SPINK5: variants seen among roughly 807,000 people sequenced by gnomAD.
SPINK5 encodes the protein serine peptidase inhibitor Kazal type 5, also known as serine protease inhibitor Kazal-type 5.
A neutral mutation model predicts 151.8 loss-of-function variants in SPINK5; 125 were observed. The observed-to-expected ratio is 0.82, with a 90% CI of 0.71 to 0.96. The LOEUF is 0.96. Ranked by LOEUF, SPINK5 falls within the 40% of genes least tolerant of loss-of-function variation. The probability of loss-of-function intolerance (pLI) is 0.00; values close to 1 mark genes in which losing one functional copy is unlikely to be tolerated. For missense variants in SPINK5, 1,194 were observed against 1,291.9 expected (o/e 0.92, Z 1.16); for synonymous variants, 374 against 395.3 (o/e 0.95, Z 0.64).
intron 4 of SPINK5, among the ~76,000 whole-genome samples, chr5:148,085,837 A>G (rs978491657): frequency 1.3e-5 from 2 of 151,908 alleles, no homozygotes; most frequent in Non-Finnish European, 2.9e-5. Flanking sequence ...AGTGCTATAC[A>G]TGAATTAACA....
At chr5:148,128,374 C>A (rs1202611343) in intron 30 of SPINK5, among the ~76,000 whole-genome samples, 2 of 152,032 alleles carry the variant, frequency 1.3e-5, no homozygotes, top group East Asian at 3.9e-4. Context: ...CCTCATTCTC[C>A]CTCATAAGCT....
intron 2 of SPINK5, 115 bp from the exon 3 acceptor site, chr5:148,070,208 T>C: frequency 8.0e-7 from 1 of 1,254,858 alleles, no homozygotes; most frequent in Non-Finnish European, 1.1e-6. Flanking sequence ...CAAAAAACCT[T>C]GGAATTGTGT....
intron 9 of SPINK5, among the ~76,000 whole-genome samples, chr5:148,095,025 A>C (rs1221017630): frequency 6.6e-6 from 1 of 151,888 alleles, no homozygotes; most frequent in Non-Finnish European, 1.5e-5. Context: ...CTAGCTCTAC[A>C]AGCCCTTTCC....
chr5:148,109,353 A>T (rs1365527880), intron 18 of SPINK5, among the ~76,000 whole-genome samples: 1 of 152,174 alleles, frequency 6.6e-6, no homozygotes, highest in East Asian at 1.9e-4. Flanking sequence ...CATGGCATAA[A>T]GTTTTATGAC....
chr5:148,129,147 T>G (rs1165780897), intron 30 of SPINK5, among the ~76,000 whole-genome samples: 1 of 151,998 alleles, frequency 6.6e-6, no homozygotes, highest in Non-Finnish European at 1.5e-5. Flanking sequence ...AAGCGTTTAG[T>G]GTTGTTGAAA....
intron 4 of SPINK5, among the ~76,000 whole-genome samples, chr5:148,074,252 C>G (rs888659851): frequency 1.4e-4 from 21 of 151,800 alleles, no homozygotes; most frequent in African/African-American, 4.8e-4. Context: ...TTTCTTTTCA[C>G]TAGTATGTCA....
intron 8 of SPINK5, among the ~76,000 whole-genome samples, chr5:148,091,465 G>A (rs1753307590): frequency 6.6e-6 from 1 of 151,548 alleles, no homozygotes. Context: ...TGTTTCTCCA[G>A]TCCTCTAGCC....
intron 6 of SPINK5, chr5:148,088,934 T>C: frequency 2.1e-6 from 1 of 476,574 alleles, no homozygotes; most frequent in Non-Finnish European, 4.0e-6. Flanking sequence ...ACCCCAGCAG[T>C]GTCACTTGCT....
In SPINK5 at chr5:148,120,369, G is replaced by T; in HGVS notation, c.2516G>T (p.Gly839Val). ...RSNTGERSNT[G>V]ERSNDKEDLC... ...AATACAGGAGAAAGGAGCAATACAG[G>T]AGAAAGGAGCAATGACAAAGAGGTA... The change falls in exon 26 of 33, where the codon GGA becomes GTA. Residue 839 changes from glycine to valine, a missense_variant. Physicochemically the swap from Gly to Val is moderately radical, Grantham distance 109 (BLOSUM62 -3). Coordinates refer to ENST00000256084, the MANE Select transcript of SPINK5 (RefSeq NM_006846.4). 1 of 1,599,964 alleles carries T rather than the reference G, an allele frequency of 6.3e-7. No homozygotes were observed. Among genetic ancestry groups the T allele is most frequent in the Non-Finnish European group, 8.5e-7 (1 of 1,171,626 alleles).
In SPINK5 at chr5:148,123,894, A is replaced by G. The variant is rs267600476; in HGVS notation, c.2600A>G (p.Asn867Ser). The change falls in exon 27 of 33, where the codon AAT becomes AGT. Residue 867 changes from asparagine to serine, a missense_variant. Asn to Ser is a conservative substitution (Grantham distance 46). Coordinates refer to ENST00000256084, the MANE Select transcript of SPINK5 (RefSeq NM_006846.4). ...RNGKLICTRE[N>S]NPVRGPYGKM... ...GGAAAGCTTATCTGCACCAGAGAAA[A>G]TAACCCTGTTCGAGGCCCATATGGC... 1.2e-6 allele frequency: 2 copies of G among 1,614,076 alleles called. No homozygotes were observed. The highest frequency in any genetic ancestry group is 8.5e-7 in the Non-Finnish European group (1 of 1,180,016).
At position 148,134,667 on chromosome 5, in the gene SPINK5, GAA is replaced by G. The variant is rs556113525; in HGVS notation, c.3186+784_3186+785del. On this transcript the variant is annotated intron_variant, in intron 32 of 32. Coordinates refer to ENST00000256084, the MANE Select transcript of SPINK5 (RefSeq NM_006846.4). The stretch of plus-strand genomic sequence containing the variant: ...TGCCTAAGACCAAAGTATGAATTTA[GAA>G]AAAGAGTCGAAAGTATGAACTTTTT... Among the ~76,000 whole-genome samples, 876 of 152,134 alleles carry G rather than the reference GAA, an allele frequency of 5.8e-3. 7 individuals carry two copies. The highest frequency in any genetic ancestry group is 0.01 in the Middle Eastern group (3 of 294).
intron 4 of SPINK5, among the ~76,000 whole-genome samples, chr5:148,080,499 A>T (rs558682813): frequency 2.6e-5 from 4 of 151,550 alleles, no homozygotes; most frequent in Admixed American, 2.0e-4. Flanking sequence ...CAAGATAGGC[A>T]TAAAGATCAG....
Position 148,078,227 on chromosome 5 carries a change from C to T in SPINK5, c.282+6007C>T, listed in dbSNP as rs571885647. Among the ~76,000 whole-genome samples, 35 of 150,978 alleles carry T rather than the reference C, an allele frequency of 2.3e-4. 2 individuals are homozygous for T. The highest frequency in any genetic ancestry group is 1.4e-3 in the Admixed American group (21 of 15,114). On this transcript the variant is annotated intron_variant, in intron 4 of 32. Transcript: ENST00000256084. ...TTTTGTAACTTTAAAAGTGTCAATA[C>T]GTTAAGCAATATAACAATGATAAAT... is the stretch of plus-strand genomic sequence containing the variant.
At chr5:148,120,177 AAGTAC>A (rs1754215872) in intron 25 of SPINK5, 41 bp downstream of exon 25, 7 of 1,613,978 alleles carry the variant, frequency 4.3e-6, no homozygotes, top group Non-Finnish European at 5.9e-6. Context: ...GTGAGTCTTA[AAGTAC>A]AATAATCATT....
intron 12 of SPINK5, among the ~76,000 whole-genome samples, chr5:148,099,625 C>T (rs1554104454): frequency 6.6e-6 from 1 of 152,020 alleles, no homozygotes; most frequent in Admixed American, 6.6e-5. Context: ...ATGCTTTCTA[C>T]ATATGAGTTT....
In SPINK5 at chr5:148,094,430, G is replaced by A. The variant is rs1216242816; in HGVS notation, c.743G>A (p.Gly248Asp). ...FCTRESDPVR[G>D]PDGRMHGNKC... is the part of the protein sequence containing the mutation. ...ACACGGGAGAGTGATCCAGTCCGTG[G>A]CCCTGACGGCAGGATGCATGGCAAC... The change falls in exon 9 of 33, where the codon GGC (glycine) becomes GAC (aspartate). Residue 248 changes from glycine (G) to aspartate (D), a missense_variant. Gly to Asp is a moderately conservative substitution (Grantham distance 94, BLOSUM62 -1). Transcript: ENST00000256084. 1 of 1,612,812 alleles carries A rather than the reference G, an allele frequency of 6.2e-7. No individual in the cohort carries two copies. The highest frequency in any genetic ancestry group is 1.1e-5 in the South Asian group (1 of 91,068).
chr5:148,072,604 A>G (rs1171303247), intron 4 of SPINK5, among the ~76,000 whole-genome samples: 2 of 151,992 alleles, frequency 1.3e-5, no homozygotes, highest in Admixed American at 1.3e-4. Context: ...AAATTTATGT[A>G]TCTCTGGATC....
intron 11 of SPINK5, among the ~76,000 whole-genome samples, chr5:148,098,777 G>C (rs531642807): frequency 6.6e-6 from 1 of 151,862 alleles, no homozygotes; most frequent in Non-Finnish European, 1.5e-5. Flanking sequence ...CCATGGTCTT[G>C]AGGGAGGAGA....
intron 4 of SPINK5, among the ~76,000 whole-genome samples, chr5:148,081,677 A>C (rs1304156308): frequency 6.6e-6 from 1 of 151,674 alleles, no homozygotes; most frequent in Admixed American, 6.6e-5. Context: ...ATATTTTAAG[A>C]CCAGATTCTG....
Sources: gnomAD v4.1 joint callset for allele counts (sites outside exome capture counted in the v4.1 genomes callset) on GRCh38, gnomAD v4.1.1 for gene constraint, MANE v1.5 for transcripts, NCBI Gene and HGNC (gene_info 2026-07-23, HGNC 2026-07-21) for gene names.